Variants in PPP1CC observed in about 807,000 individuals in gnomAD.
The protein encoded by PPP1CC is protein phosphatase 1 catalytic subunit gamma, also known as serine/threonine-protein phosphatase PP1-gamma catalytic subunit.
Under a neutral mutation model 38.4 loss-of-function variants are expected in PPP1CC, and 16 were observed. The observed-to-expected ratio is 0.42, with a 90% CI of 0.28 to 0.63. PPP1CC has a LOEUF of 0.63. Among genes scored for constraint, PPP1CC ranks in the 30% least tolerant of loss-of-function variants. The pLI is 0.25. For missense variants in PPP1CC, 170 were observed against 391.3 expected (o/e 0.43, Z 4.77); for synonymous variants, 158 against 136.0 (o/e 1.16, Z -1.13).
chr12:110,731,839 A>G lies in PPP1CC; in HGVS notation c.118T>C (p.Leu40=), dbSNP rs1195379801. 2 of 1,613,772 alleles carry G rather than the reference A, an allele frequency of 1.2e-6. No homozygotes were observed. The highest frequency in any genetic ancestry group is 3.3e-5 in the Admixed American group (2 of 59,994). Residue 40 remains leucine (L), a synonymous_variant, in exon 2 of 7, where the codon TTA becomes CTA. Transcript: ENST00000335007. The part of the protein sequence containing the change: ...LQENEIRGLC[L]KSREIFLSQP... ...CTGAGAAAGATTTCACGAGACTTTA[A>G]GCACAGTCCTCTGATTTCATTCTCC...
chr12:110,737,825 A>G lies in PPP1CC; in HGVS notation c.55+4828T>C, dbSNP rs111308635. 2.5e-3 allele frequency among the ~76,000 whole-genome samples: 386 copies of G among 152,206 alleles called. 1 individual carries two copies. The highest frequency in any genetic ancestry group is 8.6e-3 in the African/African-American group (359 of 41,540). On this transcript the variant is annotated intron_variant, in intron 1 of 6. Transcript: ENST00000335007. The stretch of plus-strand genomic sequence containing the variant: ...TAGCCAGGTGTGGTGGTGTGTGCCT[A>G]TAGATCCGGCTAGCCAAGAGGATGA...
chr12:110,720,140 G>A lies in PPP1CC; in HGVS notation c.*936C>T, dbSNP rs1160531064. ...CCAAAGAAAGCATAATCGGTCACTCGTATAGAACAGTATTGTTTCTATAAT... is the reference window on the plus strand; with the variant it reads ...CCAAAGAAAGCATAATCGGTCACTCATATAGAACAGTATTGTTTCTATAAT... On this transcript the variant is annotated 3_prime_UTR_variant, in exon 7 of 7. Transcript: ENST00000335007. 1.0e-5 allele frequency: 16 copies of A among 1,551,084 alleles called. No individual in the cohort carries two copies. The highest frequency in any genetic ancestry group is 1.2e-5 in the Non-Finnish European group (14 of 1,153,966).
chr12:110,712,513 G>A, the PPP1CC span, among the ~76,000 whole-genome samples: 1 of 151,108 alleles, frequency 6.6e-6, no homozygotes. Flanking sequence ...GGTGGTGGGT[G>A]CCTGTAATTC....
chr12:110,734,339 AG>A (rs2136560032), intron 1 of PPP1CC, among the ~76,000 whole-genome samples: 1 of 152,272 alleles, frequency 6.6e-6, no homozygotes, highest in East Asian at 1.9e-4. Flanking sequence ...CATATATTCC[AG>A]ACTATATATT....
intron 4 of PPP1CC, 30 bp downstream of exon 4, chr12:110,724,630 C>T (rs2069775098): frequency 7.3e-7 from 1 of 1,363,460 alleles, no homozygotes; most frequent in Non-Finnish European, 1.0e-6. Flanking sequence ...GGGATCAAAA[C>T]CTATTTGGAA....
chr12:110,715,886 G>T (rs796800925), downstream of PPP1CC, among the ~76,000 whole-genome samples: 24 of 150,870 alleles, frequency 1.6e-4, 1 homozygote, highest in African/African-American at 5.2e-4. Flanking sequence ...CTCCCAAAGT[G>T]CTGGGATTAC....
At chr12:110,724,202 C>A (rs920400040) in intron 4 of PPP1CC, among the ~76,000 whole-genome samples, 1 of 152,024 alleles carries the variant, frequency 6.6e-6, no homozygotes, top group Non-Finnish European at 1.5e-5. Flanking sequence ...GGTGCCACTG[C>A]GCTCCAGCCT....
intron 1 of PPP1CC, chr12:110,732,495 T>C (rs1266641679): frequency 6.6e-6 from 1 of 152,538 alleles, no homozygotes; most frequent in South Asian, 2.1e-4. Flanking sequence ...ACCATGGGTA[T>C]CTCCTCCTGA....
chr12:110,731,759 C>T lies in PPP1CC; in HGVS notation c.187+11G>A. On this transcript the variant is annotated intron_variant, in intron 2 of 6. Coordinates refer to ENST00000335007, the MANE Select transcript of PPP1CC (RefSeq NM_002710.4). ...ATGTAACAAAAGATAACCTGTGTGCCCCAAACTTACCACATATTTTGAGTG... is the reference window on the plus strand; with the variant it reads ...ATGTAACAAAAGATAACCTGTGTGCTCCAAACTTACCACATATTTTGAGTG... 6.2e-7 allele frequency: 1 copy of T among 1,602,080 alleles called. No individual in the cohort carries two copies. Among genetic ancestry groups the T allele is most frequent in the Non-Finnish European group, 8.5e-7 (1 of 1,170,158 alleles).
At chr12:110,735,674 C>T (rs1354841578) in intron 1 of PPP1CC, among the ~76,000 whole-genome samples, 2 of 151,564 alleles carry the variant, frequency 1.3e-5, no homozygotes, top group Non-Finnish European at 2.9e-5. Flanking sequence ...CCCAGCTACA[C>T]AGGAGGCTGA....
chr12:110,734,333 T>C (rs2069916455), intron 1 of PPP1CC, among the ~76,000 whole-genome samples: 1 of 152,142 alleles, frequency 6.6e-6, no homozygotes, highest in Admixed American at 6.5e-5. Flanking sequence ...ATTAAACATA[T>C]ATTCCAGACT....
Position 110,742,696 on chromosome 12 carries a change from T to C in PPP1CC, c.12A>G (p.Leu4=). The change falls in exon 1 of 7, where the codon TTA becomes TTG. Residue 4 remains leucine, a synonymous_variant. Coordinates refer to ENST00000335007, the MANE Select transcript of PPP1CC (RefSeq NM_002710.4). ...TAATGCTGTCGATGTTGAGTTTATC[T>C]AAATCCGCCATCGCCTTCCCACCGC... The part of the protein sequence containing the change: MAD[L]DKLNIDSIIQ... The C allele has an allele frequency of 6.8e-7, 1 of 1,461,044 alleles. No individual in the cohort carries two copies. Among genetic ancestry groups the C allele is most frequent in the Non-Finnish European group, 9.1e-7 (1 of 1,096,552 alleles). The allele number at this position is 1,461,044 out of a possible 1,614,324, so 90.5% of individuals were successfully genotyped here. A position where few individuals can be genotyped will look rare whatever the true frequency, so the allele number is the denominator to read the frequency against.
At chr12:110,728,561 T>C (rs1466257012) in intron 3 of PPP1CC, among the ~76,000 whole-genome samples, 2 of 152,106 alleles carry the variant, frequency 1.3e-5, no homozygotes, top group Non-Finnish European at 2.9e-5. Context: ...CAGGTGGTAG[T>C]AAGCTATGAT....
chr12:110,728,203 T>C (rs2069825293), intron 3 of PPP1CC, among the ~76,000 whole-genome samples: 1 of 151,174 alleles, frequency 6.6e-6, no homozygotes, highest in Admixed American at 6.6e-5. Context: ...ATCGAGACCA[T>C]CCTGGCTAAC....
At position 110,722,255 on chromosome 12, in the gene PPP1CC, T is replaced by C. The variant is rs375126500; in HGVS notation, c.762A>G (p.Gly254=). ...ICRAHQVVED[G]YEFFAKRQLV... ...ACTGCCTCTTTGCAAAAAATTCATATCCATCTTCAACCACCTTGAAGAGAA... is the reference window on the plus strand; with the variant it reads ...ACTGCCTCTTTGCAAAAAATTCATACCCATCTTCAACCACCTTGAAGAGAA... Residue 254 remains glycine, a synonymous_variant, in exon 6 of 7, where the codon GGA becomes GGG. Transcript: ENST00000335007. The surrounding 1 kb of genome is among the most constrained non-coding windows in gnomAD (Gnocchi z 5.4). 1.4e-5 allele frequency: 23 copies of C among 1,613,934 alleles called. No individual in the cohort carries two copies. The highest frequency in any genetic ancestry group is 1.7e-5 in the Non-Finnish European group (20 of 1,179,998).
At chr12:110,730,987 TA>T (rs1248835432) in intron 2 of PPP1CC, among the ~76,000 whole-genome samples, 1 of 152,230 alleles carries the variant, frequency 6.6e-6, no homozygotes, top group Non-Finnish European at 1.5e-5. Context: ...GAACCTCACA[TA>T]AAATTCAACT....
intron 1 of PPP1CC, among the ~76,000 whole-genome samples, chr12:110,737,635 C>T (rs993143912): frequency 2.0e-5 from 3 of 151,934 alleles, no homozygotes; most frequent in Non-Finnish European, 2.9e-5. Context: ...GATGGGGTTA[C>T]ACTTCAGGCA....
chr12:110,711,538 G>A, the PPP1CC span, among the ~76,000 whole-genome samples: 2 of 152,104 alleles, frequency 1.3e-5, no homozygotes, highest in Non-Finnish European at 2.9e-5. Flanking sequence ...TACGCACACG[G>A]GCTCTTAAGT....
rs2069744964 is a variant in PPP1CC, at chr12:110,722,080, C to T, written c.882+55G>A. The T allele has an allele frequency of 6.3e-7, 1 of 1,599,152 alleles. No homozygotes were observed. The highest frequency in any genetic ancestry group is 1.7e-5 in the Admixed American group (1 of 57,798). On this transcript the variant is annotated intron_variant, in intron 6 of 6. Transcript: ENST00000335007. The surrounding 1 kb of genome is among the most constrained non-coding windows in gnomAD (Gnocchi z 5.4). ...GGCAAAAAGTAGCAATTATATTTTT[C>T]AATCAGCAAAGTGTAAACATATTAA...
Sources: allele counts gnomAD v4.1 joint callset (sites outside exome capture counted in the v4.1 genomes callset), GRCh38; gene constraint gnomAD v4.1.1; non-coding constraint Gnocchi (gnomAD v3.1); transcripts MANE v1.5; gene names NCBI Gene and HGNC (gene_info 2026-07-23, HGNC 2026-07-21).